The following MYL4 variants were observed in gnomAD, a reference collection of about 807,000 sequenced individuals.
MYL4 encodes myosin light chain 4.
In MYL4, 16 loss-of-function variants were observed where a neutral mutation model predicts 21.6. The observed-to-expected ratio is 0.74, with a 90% CI of 0.50 to 1.12. MYL4 has a LOEUF of 1.12. MYL4 is among the 50% of genes most tolerant of loss of function. The pLI is 0.00. For missense variants in MYL4, 249 were observed against 252.9 expected, an observed-to-expected ratio of 0.98 and a Z score of 0.11; for synonymous variants, 82 against 95.7, an observed-to-expected ratio of 0.86 and a Z score of 0.83.
chr17:47,196,222 C>T (rs756496975), upstream of MYL4, among the ~76,000 whole-genome samples: 1 of 152,172 alleles, frequency 6.6e-6, no homozygotes, highest in Non-Finnish European at 1.5e-5. Flanking sequence ...AAAGTTTGAT[C>T]TCTCTGTGGG....
intron 2 of MYL4, among the ~76,000 whole-genome samples, chr17:47,217,714 A>G (rs1416893897): frequency 1.3e-5 from 2 of 152,160 alleles, no homozygotes; most frequent in Non-Finnish European, 2.9e-5. Context: ...TACATACATT[A>G]TTATATTAAT....
chr17:47,216,728 C>T (rs2064817908), intron 2 of MYL4, among the ~76,000 whole-genome samples: 1 of 146,768 alleles, frequency 6.8e-6, no homozygotes, highest in African/African-American at 2.5e-5. Flanking sequence ...GAGTTTTGCG[C>T]TTGTTGCCCA....
chr17:47,206,269 G>C (rs1470245946), upstream of MYL4, among the ~76,000 whole-genome samples: 1 of 152,022 alleles, frequency 6.6e-6, no homozygotes, highest in African/African-American at 2.4e-5. Context: ...TAACCTCATA[G>C]CTCTGTTCCC....
At position 47,209,481 on chromosome 17, in the gene MYL4, C is replaced by G; in HGVS notation, c.59C>G (p.Ala20Gly). ...KEAAKPAPAPAPAPAPAPAPA... is the reference protein window; with the variant it reads ...KEAAKPAPAPGPAPAPAPAPA... ...GCAGCCAAGCCAGCTCCAGCTCCAGCTCCAGCCCCTGCACCAGCCCCTGCC... is the reference window on the plus strand; with the variant it reads ...GCAGCCAAGCCAGCTCCAGCTCCAGGTCCAGCCCCTGCACCAGCCCCTGCC... Residue 20 changes from alanine (A) to glycine (G), a missense_variant, in exon 1 of 7, where the codon GCT becomes GGT. Physicochemically the swap from Ala to Gly is moderately conservative, Grantham distance 60. Coordinates refer to ENST00000393450, the MANE Select transcript of MYL4 (RefSeq NM_002476.2). 6.2e-7 allele frequency: 1 copy of G among 1,614,234 alleles called. No individual in the cohort carries two copies.
upstream of MYL4, among the ~76,000 whole-genome samples, chr17:47,206,291 A>T (rs2064728017): frequency 1.3e-5 from 2 of 151,992 alleles, no homozygotes; most frequent in African/African-American, 4.8e-5. Context: ...TGCAGACCTG[A>T]TATTTTGCTT....
the MYL4 span, among the ~76,000 whole-genome samples, chr17:47,189,758 A>G: frequency 3.3e-5 from 5 of 152,238 alleles, no homozygotes; most frequent in South Asian, 2.1e-4. Flanking sequence ...CGTCCATTCC[A>G]GAAGTATCTA....
intron 3 of MYL4, among the ~76,000 whole-genome samples, chr17:47,221,124 C>T (rs960677555): frequency 5.9e-5 from 9 of 152,218 alleles, no homozygotes; most frequent in Admixed American, 2.6e-4. Flanking sequence ...CTTTTAAATA[C>T]ACTACCATGT....
the MYL4 span, among the ~76,000 whole-genome samples, chr17:47,192,790 C>T: frequency 6.6e-6 from 1 of 152,144 alleles, no homozygotes; most frequent in Non-Finnish European, 1.5e-5. Flanking sequence ...TCCTTCTCTG[C>T]TCCTAATTGA....
chr17:47,189,451 C>T, the MYL4 span: 3 of 538,710 alleles, frequency 5.6e-6, no homozygotes, highest in Admixed American at 9.4e-5. Context: ...TTACCGGAAG[C>T]TACCGAGTCT....
chr17:47,192,761 AT>A, the MYL4 span, among the ~76,000 whole-genome samples: 1 of 151,962 alleles, frequency 6.6e-6, no homozygotes, highest in Non-Finnish European at 1.5e-5. Flanking sequence ...TTGATGGGGT[AT>A]TTTGGAGTGT....
intron 1 of MYL4, among the ~76,000 whole-genome samples, chr17:47,212,494 G>A (rs1472969212): frequency 2.0e-5 from 3 of 152,236 alleles, no homozygotes; most frequent in Non-Finnish European, 4.4e-5. Flanking sequence ...GAGGGCCCAT[G>A]CCAATTGCTC....
chr17:47,225,855 CTTTTTTTTT>C (rs60342000), downstream of MYL4, among the ~76,000 whole-genome samples: 6,133 of 113,310 alleles, frequency 0.054, 209 homozygotes, highest in Middle Eastern at 0.14. Flanking sequence ...TCCTTCCCTT[CTTTTTTTTT>C]TTTTTTTTTT....
intron 2 of MYL4, among the ~76,000 whole-genome samples, chr17:47,215,944 T>C (rs1273676693): frequency 6.6e-6 from 1 of 152,034 alleles, no homozygotes; most frequent in Non-Finnish European, 1.5e-5. Context: ...GCATGTACCA[T>C]TGTTTTTATG....
At chr17:47,209,628 G>T in intron 1 of MYL4, 71 bp downstream of exon 1, 1 of 1,611,380 alleles carries the variant, frequency 6.2e-7, no homozygotes, top group Non-Finnish European at 8.5e-7. Context: ...GGAGCTTAGC[G>T]ATCTACTTTA....
upstream of MYL4, among the ~76,000 whole-genome samples, chr17:47,199,113 C>T (rs1287278491): frequency 2.7e-5 from 4 of 149,930 alleles, no homozygotes; most frequent in African/African-American, 4.9e-5. Flanking sequence ...TGGTGGCGGG[C>T]GCCTGTAGTC....
chr17:47,212,146 G>A (rs1387441401), intron 1 of MYL4, among the ~76,000 whole-genome samples: 2 of 152,070 alleles, frequency 1.3e-5, no homozygotes, highest in African/African-American at 4.8e-5. Flanking sequence ...AACTTGGGAG[G>A]CGAAGGTCGC....
the MYL4 span, among the ~76,000 whole-genome samples, chr17:47,194,733 T>G: frequency 6.6e-6 from 1 of 151,946 alleles, no homozygotes; most frequent in Non-Finnish European, 1.5e-5. Context: ...CACTCATGTC[T>G]CCTTTATAGT....
intron 6 of MYL4, 149 bp from the exon 7 acceptor site, chr17:47,223,360 C>T (rs1359730827): frequency 1.6e-5 from 6 of 366,330 alleles, no homozygotes; most frequent in African/African-American, 4.2e-5. Flanking sequence ...AAAGCCGATC[C>T]CAAGTGGAAG....
chr17:47,209,497 A>G lies in MYL4; in HGVS notation c.75A>G (p.Pro25=). The G allele has an allele frequency of 6.2e-7, 1 of 1,614,230 alleles. No homozygotes were observed. Among genetic ancestry groups the G allele is most frequent in the Non-Finnish European group, 8.5e-7 (1 of 1,180,038 alleles). ...PAPAPAPAPA[P]APAPAPEAPK... ...CAGCTCCAGCTCCAGCCCCTGCACC[A>G]GCCCCTGCCCCAGCTCCTGAGGCTC... is the stretch of plus-strand genomic sequence containing the variant. Residue 25 remains proline, a synonymous_variant, in exon 1 of 7, where the codon CCA becomes CCG. Coordinates refer to ENST00000393450, the MANE Select transcript of MYL4 (RefSeq NM_002476.2).
Sources: gnomAD v4.1 joint callset for allele counts (sites outside exome capture counted in the v4.1 genomes callset) on GRCh38, gnomAD v4.1.1 for gene constraint, MANE v1.5 for transcripts, NCBI Gene and HGNC (gene_info 2026-07-23, HGNC 2026-07-21) for gene names.